The following IKBKE variants were observed in gnomAD, a reference collection of about 807,000 sequenced individuals.
IKBKE encodes the protein inhibitor of nuclear factor kappa-B kinase subunit epsilon.
Under a neutral mutation model 92.1 loss-of-function variants are expected in IKBKE, and 45 were observed. The observed-to-expected ratio is 0.49, with a 90% CI of 0.38 to 0.63. The LOEUF is 0.63. IKBKE is among the 20% of genes least tolerant of loss of function. The pLI, the probability that IKBKE is intolerant of heterozygous loss-of-function variation, is 0.00. For synonymous variants in IKBKE, 374 were observed against 380.3 expected (o/e 0.98, Z 0.19); for missense variants, 700 against 932.8 (o/e 0.75, Z 3.25).
rs1429715805 is a variant in IKBKE, at chr1:206,490,188, G to C, written c.1694-631G>C. Among the ~76,000 whole-genome samples, 2 of 152,172 alleles carry C rather than the reference G, an allele frequency of 1.3e-5. No individual in the cohort carries two copies. Among genetic ancestry groups the C allele is most frequent in the Non-Finnish European group, 2.9e-5 (2 of 68,014 alleles). Reference sequence around the variant, plus strand: ...AGAGGAGTGGGATGGGGAGGCCCTCGAAGTGAACCGCCATCATCATTTCAT... The same window carrying C: ...AGAGGAGTGGGATGGGGAGGCCCTCCAAGTGAACCGCCATCATCATTTCAT... On this transcript the variant is annotated intron_variant, in intron 16 of 21. Coordinates refer to ENST00000581977, the MANE Select transcript of IKBKE (RefSeq NM_014002.4). The surrounding 1 kb of genome is among the most constrained non-coding windows in gnomAD (Gnocchi z 5.2).
At chr1:206,472,669 A>C (rs1553384109) in intron 2 of IKBKE, among the ~76,000 whole-genome samples, 1 of 152,100 alleles carries the variant, frequency 6.6e-6, no homozygotes, top group Non-Finnish European at 1.5e-5. Context: ...AGCTCACAGC[A>C]GCAGGAAGTG....
chr1:206,470,957 G>A (rs566431742), intron 1 of IKBKE, among the ~76,000 whole-genome samples, 199 bp from the exon 2 acceptor site: 11 of 152,306 alleles, frequency 7.2e-5, no homozygotes, highest in Admixed American at 1.3e-4. Context: ...CTCCCTGGCC[G>A]GAGTCTCAGG....
rs2103472639 is a variant in IKBKE at position 206,485,274 on chromosome 1, G to A, written c.1584G>A (p.Val528=). 1 of 1,613,216 alleles carries A rather than the reference G, an allele frequency of 6.2e-7. No homozygotes were observed. The highest frequency in any genetic ancestry group is 1.1e-5 in the South Asian group (1 of 91,074). The change falls in exon 15 of 22, where the codon GTG becomes GTA. Residue 528 remains valine, a synonymous_variant. Transcript: ENST00000581977. The surrounding 1 kb of genome is among the most constrained non-coding windows in gnomAD (Gnocchi z 5.0). ...TGAGCAGCCTGAACCGGGAGCTGGT[G>A]AAGAGCCGGGATCAGGTACATGAGG... is the stretch of plus-strand genomic sequence containing the variant. ...ESLSSLNREL[V]KSRDQVHEDR... is the part of the protein sequence containing the mutation.
At chr1:206,482,143 CAG>C (rs1470168516) in intron 13 of IKBKE, among the ~76,000 whole-genome samples, 5 of 151,932 alleles carry the variant, frequency 3.3e-5, no homozygotes, top group African/African-American at 9.7e-5. Flanking sequence ...TGCGCAGAGA[CAG>C]AGAAGAAAAG....
rs1665178092 is a variant in IKBKE at position 206,478,230 on chromosome 1, T to G, written c.883T>G (p.Phe295Val). The G allele has an allele frequency of 1.2e-6, 2 of 1,614,180 alleles. No homozygotes were observed. The highest frequency in any genetic ancestry group is 1.7e-5 in the Admixed American group (1 of 60,028). Reference sequence around the variant, plus strand: ...GGTGGAGCAGGCCAAGTGCTGGGGCTTCGACCAGTTCTTTGCGGAGACCAG... The same window carrying G: ...GGTGGAGCAGGCCAAGTGCTGGGGCGTCGACCAGTTCTTTGCGGAGACCAG... ...LEVEQAKCWG[F>V]DQFFAETSDI... The change falls in exon 9 of 22, where the codon TTC becomes GTC. Residue 295 changes from phenylalanine (F) to valine (V), a missense_variant. Transcript: ENST00000581977. This position sits in a 1 kb window ranked among gnomAD's most constrained non-coding sequence, Gnocchi z 4.8.
At chr1:206,488,541 C>T (rs1553389387) in intron 16 of IKBKE, among the ~76,000 whole-genome samples, 1 of 152,052 alleles carries the variant, frequency 6.6e-6, no homozygotes, top group African/African-American at 2.4e-5. Context: ...AGCTGCTTGT[C>T]CAAAGTGACT....
intron 18 of IKBKE, chr1:206,492,030 C>T (rs781878602): frequency 8.4e-6 from 3 of 356,820 alleles, no homozygotes; most frequent in Non-Finnish European, 1.6e-5. Flanking sequence ...CTCCTCTGCA[C>T]ATCACATGGC....
At chr1:206,477,110 A>G (rs1207074292) in intron 7 of IKBKE, among the ~76,000 whole-genome samples, 1 of 152,166 alleles carries the variant, frequency 6.6e-6, no homozygotes, top group African/African-American at 2.4e-5. Context: ...TCCTCGTCTC[A>G]ACCGAAGCTC....
intron 2 of IKBKE, chr1:206,472,904 C>G: frequency 2.7e-6 from 1 of 377,228 alleles, no homozygotes. Flanking sequence ...GCAGAATGAC[C>G]TGCCTCAGGA....
chr1:206,491,139 C>A, intron 17 of IKBKE: 7 of 520,492 alleles, frequency 1.3e-5, no homozygotes, highest in Non-Finnish European at 2.1e-5. Context: ...CACTGATGCA[C>A]CACTTACCAC....
rs1265599159 is a variant in IKBKE at position 206,485,784 on chromosome 1, C to T, written c.1616+478C>T. 6.6e-6 allele frequency among the ~76,000 whole-genome samples: 1 copy of T among 152,236 alleles called. No homozygotes were observed. Among genetic ancestry groups the T allele is most frequent in the Non-Finnish European group, 1.5e-5 (1 of 68,056 alleles). ...GGTGGCTTCAGGTCGGGTCTGTCCA[C>T]CTCCAAAGCCTATGTTCTTGGCCTA... On this transcript the variant is annotated intron_variant, in intron 15 of 21. Transcript: ENST00000581977. The surrounding 1 kb of genome is among the most constrained non-coding windows in gnomAD (Gnocchi z 5.0).
intron 3 of IKBKE, 128 bp from the exon 4 acceptor site, chr1:206,474,203 G>T: frequency 1.2e-6 from 1 of 854,218 alleles, no homozygotes; most frequent in South Asian, 1.7e-5. Context: ...ATCCAACCAG[G>T]CTAATCTCTG....
intron 13 of IKBKE, among the ~76,000 whole-genome samples, chr1:206,481,855 C>T (rs1665413943): frequency 7.2e-6 from 1 of 139,382 alleles, no homozygotes; most frequent in Non-Finnish European, 1.5e-5. Flanking sequence ...TCTCGGCTCA[C>T]TGCAAGCTCC....
rs2103455236 is a variant in IKBKE at position 206,476,515 on chromosome 1, T to C, written c.540+153T>C. Among the ~76,000 whole-genome samples the C allele has an allele frequency of 6.6e-6, 1 of 152,238 alleles. No individual in the cohort carries two copies. The highest frequency in any genetic ancestry group is 1.5e-5 in the Non-Finnish European group (1 of 68,018). On this transcript the variant is annotated intron_variant, in intron 6 of 21. Coordinates refer to ENST00000581977, the MANE Select transcript of IKBKE (RefSeq NM_014002.4). This position sits in a 1 kb window ranked among gnomAD's most constrained non-coding sequence, Gnocchi z 5.1. Reference sequence around the variant, plus strand: ...ACCCCAACCAGAAGAATGCATTCTGTTCTCTAAGATGGAAAAGGTGAGGCT... The same window carrying C: ...ACCCCAACCAGAAGAATGCATTCTGCTCTCTAAGATGGAAAAGGTGAGGCT...
Position 206,479,151 on chromosome 1 carries a change from G to C in IKBKE, c.1183+18G>C, listed in dbSNP as rs1366888473. ...CAGGGACCGTGAGTAGAGCCACCTG[G>C]GCTGGATCTTTCTCCTCCCCACATT... On this transcript the variant is annotated intron_variant, in intron 10 of 21. Coordinates refer to ENST00000581977, the MANE Select transcript of IKBKE (RefSeq NM_014002.4). The C allele has an allele frequency of 1.9e-6, 3 of 1,550,092 alleles. No homozygotes were observed. The African/African-American group carries it at 4.1e-5, about 21-fold the overall frequency.
chr1:206,491,910 G>C, intron 18 of IKBKE, 161 bp downstream of exon 18: 1 of 565,190 alleles, frequency 1.8e-6, no homozygotes, highest in African/African-American at 1.9e-5. Context: ...CAGGCAGTTG[G>C]CTGGGAGATT....
rs1218677667 is a variant in IKBKE at position 206,490,726 on chromosome 1, C to G, written c.1694-93C>G. The G allele has an allele frequency of 4.6e-6, 6 of 1,301,110 alleles. 1 individual carries two copies. In the East Asian group the frequency reaches 6.9e-5, roughly 15 times the overall value. 80.6% of individuals were successfully genotyped at this position (1,301,110 alleles called of 1,614,324 possible). A position where few individuals can be genotyped will look rare whatever the true frequency, so the allele number is the denominator to read the frequency against. Reference sequence around the variant, plus strand: ...TCCCGTGAAGCAGCACAGGCTGGGCCGTCTTCATCTTTTAACTGTCTCTCG... The same window carrying G: ...TCCCGTGAAGCAGCACAGGCTGGGCGGTCTTCATCTTTTAACTGTCTCTCG... On this transcript the variant is annotated intron_variant, in intron 16 of 21. Coordinates refer to ENST00000581977, the MANE Select transcript of IKBKE (RefSeq NM_014002.4). The surrounding 1 kb of genome is among the most constrained non-coding windows in gnomAD (Gnocchi z 5.2).
chr1:206,494,369 C>T (rs1419375484), intron 21 of IKBKE, among the ~76,000 whole-genome samples: 8 of 152,132 alleles, frequency 5.3e-5, no homozygotes, highest in Admixed American at 5.2e-4. Context: ...CAGGAAGCCA[C>T]AGCGCAGACA....
In IKBKE at chr1:206,496,488, C is replaced by G. The variant is rs954605965; in HGVS notation, c.*343C>G. On this transcript the variant is annotated 3_prime_UTR_variant, in exon 22 of 22. Transcript: ENST00000581977. ...GAAGCTCTCATACGCCTTCCCACTC[C>G]CTCTGGTTTATAGGACTTCACTCCC... 19 of 354,742 alleles carry G rather than the reference C, an allele frequency of 5.4e-5. No individual in the cohort carries two copies. Among genetic ancestry groups the G allele is most frequent in the Middle Eastern group, 7.5e-4 (1 of 1,326 alleles). 22.0% of individuals were successfully genotyped at this position (354,742 alleles called of 1,614,324 possible). A position where few individuals can be genotyped will look rare whatever the true frequency, so the allele number is the denominator to read the frequency against.
Sources: allele counts gnomAD v4.1 joint callset (sites outside exome capture counted in the v4.1 genomes callset), GRCh38; gene constraint gnomAD v4.1.1; non-coding constraint Gnocchi (gnomAD v3.1); transcripts MANE v1.5; gene names NCBI Gene and HGNC (gene_info 2026-07-23, HGNC 2026-07-21).